Variants in PPP1R12B observed in about 807,000 individuals in gnomAD.
The protein encoded by PPP1R12B is myosin phosphatase target subunit 2.
A neutral mutation model predicts 126.1 loss-of-function variants in PPP1R12B; 76 were observed. The ratio of observed to expected loss-of-function variants is 0.60; its 90% CI spans 0.50 to 0.73. The LOEUF (loss-of-function observed/expected upper bound fraction) is 0.73. PPP1R12B is among the 30% of genes least tolerant of loss of function. The pLI, the probability that PPP1R12B is intolerant of heterozygous loss-of-function variation, is 0.00. For missense variants in PPP1R12B, 1,052 were observed against 1,205.1 expected (o/e 0.87, Z 1.88); for synonymous variants, 356 against 434.7 (o/e 0.82, Z 2.25).
chr1:202,531,617 C>T (rs1219297405), intron 18 of PPP1R12B, among the ~76,000 whole-genome samples: 1 of 152,038 alleles, frequency 6.6e-6, no homozygotes, highest in Non-Finnish European at 1.5e-5. Context: ...AAATGACTGC[C>T]CTGTTCCAAA....
At chr1:202,459,353 A>G (rs1220923253) in intron 13 of PPP1R12B, among the ~76,000 whole-genome samples, 1 of 152,222 alleles carries the variant, frequency 6.6e-6, no homozygotes, top group Non-Finnish European at 1.5e-5. Context: ...TAGGGACAAC[A>G]GTCTTTCTTA....
chr1:202,359,697 G>T (rs1657813372), intron 1 of PPP1R12B, among the ~76,000 whole-genome samples: 1 of 143,714 alleles, frequency 7.0e-6, no homozygotes, highest in Non-Finnish European at 1.5e-5. Flanking sequence ...GGGGTGGGGG[G>T]CGGTGCTAAG....
At chr1:202,457,375 C>T (rs548365781) in intron 13 of PPP1R12B, among the ~76,000 whole-genome samples, 8 of 151,984 alleles carry the variant, frequency 5.3e-5, no homozygotes, top group South Asian at 2.1e-4. Flanking sequence ...CATGGCGACA[C>T]GCCATCTCTA....
chr1:202,573,590 C>T (rs930257985), intron 23 of PPP1R12B, among the ~76,000 whole-genome samples: 1 of 152,132 alleles, frequency 6.6e-6, no homozygotes, highest in Non-Finnish European at 1.5e-5. Context: ...ATAAAAAAAT[C>T]ATTATTCTCC....
At chr1:202,387,645 T>C (rs1663375374) in intron 1 of PPP1R12B, among the ~76,000 whole-genome samples, 1 of 152,194 alleles carries the variant, frequency 6.6e-6, no homozygotes, top group Non-Finnish European at 1.5e-5. Flanking sequence ...TTTAATGATT[T>C]ATTAAAAGGC....
intron 13 of PPP1R12B, among the ~76,000 whole-genome samples, chr1:202,466,195 CT>C (rs928839763): frequency 2.0e-5 from 3 of 152,130 alleles, no homozygotes; most frequent in Non-Finnish European, 4.4e-5. Flanking sequence ...ATTTCCTGGC[CT>C]TCTATTCATT....
At chr1:202,377,592 C>T (rs1305733600) in intron 1 of PPP1R12B, among the ~76,000 whole-genome samples, 2 of 151,622 alleles carry the variant, frequency 1.3e-5, no homozygotes, top group African/African-American at 4.8e-5. Flanking sequence ...GCGTGAGCCA[C>T]CGTGCCCGGC....
intron 10 of PPP1R12B, chr1:202,438,406 G>A (rs1225356809): frequency 5.3e-6 from 3 of 564,704 alleles, no homozygotes; most frequent in Non-Finnish European, 9.0e-6. Flanking sequence ...ATGGCTTCGT[G>A]TGCTGAACCC....
chr1:202,519,421 C>T (rs1186694586), intron 18 of PPP1R12B, among the ~76,000 whole-genome samples: 1 of 151,916 alleles, frequency 6.6e-6, no homozygotes, highest in African/African-American at 2.4e-5. Context: ...TTCACCACTA[C>T]ACCCAGCTAA....
At chr1:202,415,652 G>A (rs1667969435) in intron 1 of PPP1R12B, among the ~76,000 whole-genome samples, 1 of 152,030 alleles carries the variant, frequency 6.6e-6, no homozygotes, top group South Asian at 2.1e-4. Context: ...GTTTGTGACT[G>A]TTTCTGTTTG....
rs1210275231 is a variant in PPP1R12B, at chr1:202,586,215, A to T, written c.*5655A>T. The T allele has an allele frequency of 2.6e-5, 4 of 152,308 alleles. No homozygotes were observed. Among genetic ancestry groups the T allele is most frequent in the African/African-American group, 9.6e-5 (4 of 41,462 alleles). 9.4% of individuals were successfully genotyped at this position (152,308 alleles called of 1,614,324 possible). A position where few individuals can be genotyped will look rare whatever the true frequency, so the allele number is the denominator to read the frequency against. On this transcript the variant is annotated 3_prime_UTR_variant, in exon 24 of 24. Coordinates refer to ENST00000608999, the MANE Select transcript of PPP1R12B (RefSeq NM_002481.4). ...GAGTCCACACAACCATATTGCATAGAACAGCACTTGGCTTTCACAAGCCTC... is the reference window on the plus strand; with the variant it reads ...GAGTCCACACAACCATATTGCATAGTACAGCACTTGGCTTTCACAAGCCTC...
chr1:202,389,700 C>A (rs543336592), intron 1 of PPP1R12B, among the ~76,000 whole-genome samples: 1 of 151,690 alleles, frequency 6.6e-6, no homozygotes, highest in African/African-American at 2.4e-5. Flanking sequence ...GAGGCCAAGG[C>A]GGGAAATCAC....
chr1:202,482,355 C>T (rs1228758141), intron 13 of PPP1R12B, among the ~76,000 whole-genome samples: 1 of 152,228 alleles, frequency 6.6e-6, no homozygotes, highest in Non-Finnish European at 1.5e-5. Flanking sequence ...GTCCCACCAA[C>T]TTGTGTAAGT....
chr1:202,540,655 C>T lies in PPP1R12B; in HGVS notation c.2491-18222C>T, dbSNP rs143222329. Among the ~76,000 whole-genome samples, 20 of 152,308 alleles carry T rather than the reference C, an allele frequency of 1.3e-4. No homozygotes were observed. The East Asian group carries it at 3.3e-3, about 25-fold the overall frequency. On this transcript the variant is annotated intron_variant, in intron 18 of 23. Transcript: ENST00000608999. Reference sequence around the variant, plus strand: ...GAGAAAAACCTCTGAAATGGCCACACAACTATATACATTAAACTTCAGTTT... The same window carrying T: ...GAGAAAAACCTCTGAAATGGCCACATAACTATATACATTAAACTTCAGTTT...
chr1:202,378,952 CTT>C (rs1267838377), intron 1 of PPP1R12B, among the ~76,000 whole-genome samples: 9 of 152,282 alleles, frequency 5.9e-5, no homozygotes, highest in South Asian at 2.1e-4. Context: ...ATTGCCCACT[CTT>C]TGCCCAGATT....
At chr1:202,573,935 A>C (rs1216300095) in intron 23 of PPP1R12B, among the ~76,000 whole-genome samples, 1 of 152,160 alleles carries the variant, frequency 6.6e-6, no homozygotes, top group Non-Finnish European at 1.5e-5. Context: ...GCTTGAACTG[A>C]GACAAAGAAA....
intron 18 of PPP1R12B, among the ~76,000 whole-genome samples, chr1:202,503,800 G>A (rs1488172629): frequency 2.0e-5 from 3 of 150,950 alleles, no homozygotes; most frequent in Non-Finnish European, 4.4e-5. Flanking sequence ...TTTTTTCAAG[G>A]GCTATTTCCC....
intron 13 of PPP1R12B, among the ~76,000 whole-genome samples, chr1:202,475,065 A>G (rs1275236067): frequency 6.6e-6 from 1 of 152,226 alleles, no homozygotes; most frequent in East Asian, 1.9e-4. Context: ...ACAGATGAAG[A>G]AAACTAGAGT....
At chr1:202,488,697 C>A in intron 14 of PPP1R12B, 74 bp downstream of exon 14, 2 of 1,266,692 alleles carry the variant, frequency 1.6e-6, no homozygotes, top group Non-Finnish European at 2.2e-6. Flanking sequence ...AAACACACTG[C>A]AATATCCATG....
Sources: allele counts gnomAD v4.1 joint callset (sites outside exome capture counted in the v4.1 genomes callset), GRCh38; gene constraint gnomAD v4.1.1; transcripts MANE v1.5; gene names NCBI Gene and HGNC (gene_info 2026-07-23, HGNC 2026-07-21).